Variants in ASAP3 observed in about 807,000 individuals in gnomAD.
ASAP3 encodes the protein ArfGAP with SH3 domain, ankyrin repeat and PH domain 3.
Under a neutral mutation model 118.2 loss-of-function variants are expected in ASAP3, and 85 were observed. That is an observed-to-expected ratio of 0.72 (90% CI 0.60 to 0.86). The LOEUF (loss-of-function observed/expected upper bound fraction) is 0.86. Among genes scored for constraint, ASAP3 ranks in the 40% least tolerant of loss-of-function variants. The probability of loss-of-function intolerance (pLI) is 0.00; values close to 1 mark genes in which losing one functional copy is unlikely to be tolerated. For synonymous variants in ASAP3, 432 were observed against 477.4 expected (o/e 0.90, Z 1.24); for missense variants, 1,026 against 1,175.0 (o/e 0.87, Z 1.85).
Position 23,434,646 on chromosome 1 carries a change from T to TC in ASAP3, c.1750-29dup, listed in dbSNP as rs150606584. On this transcript the variant is annotated intron_variant, in intron 17 of 24. Coordinates refer to ENST00000336689, the MANE Select transcript of ASAP3 (RefSeq NM_017707.4). The stretch of plus-strand genomic sequence containing the variant: ...GAAAACACATCCACACCTCTGAGAT[T>TC]CCCCCCCCAGTGCACCTGCCTCCAA... The TC allele has an allele frequency of 5.4e-4, 869 of 1,600,836 alleles. 1 individual carries two copies. The Middle Eastern group carries it at 8.6e-3, about 16-fold the overall frequency.
At chr1:23,430,854 G>T (rs1359721554) in intron 24 of ASAP3, among the ~76,000 whole-genome samples, 181 bp downstream of exon 24, 1 of 152,116 alleles carries the variant, frequency 6.6e-6, no homozygotes, top group Non-Finnish European at 1.5e-5. Context: ...ACCAGGACAG[G>T]GACTGGCCAA....
At chr1:23,454,109 C>A (rs368277923) in intron 3 of ASAP3, among the ~76,000 whole-genome samples, 2 of 151,984 alleles carry the variant, frequency 1.3e-5, no homozygotes, top group African/African-American at 4.8e-5. Context: ...GCCTCAACTT[C>A]CCCCAGGCTA....
chr1:23,442,413 C>T (rs185383689), intron 6 of ASAP3, 88 bp downstream of exon 6: 13 of 1,595,482 alleles, frequency 8.1e-6, no homozygotes, highest in Admixed American at 5.1e-5. Flanking sequence ...TGGCCAGGAC[C>T]TGAGCTGAGG....
chr1:23,477,010 T>G (rs1017674322), intron 1 of ASAP3, among the ~76,000 whole-genome samples: 1 of 152,004 alleles, frequency 6.6e-6, no homozygotes, highest in Middle Eastern at 3.4e-3. Context: ...ACAAATTAGA[T>G]CTTAATAAAA....
In ASAP3 at chr1:23,439,141, C is replaced by T. The variant is rs772471754; in HGVS notation, c.1014+20G>A. The T allele has an allele frequency of 6.2e-7, 1 of 1,613,440 alleles. No homozygotes were observed. The highest frequency in any genetic ancestry group is 1.7e-5 in the Admixed American group (1 of 59,996). ...GAGGGTCCATCGTGCCCTGAGACTC[C>T]CACCACCTCTAGGCCTCACCGTGCT... On this transcript the variant is annotated intron_variant, in intron 11 of 24. Transcript: ENST00000336689.
At chr1:23,469,342 C>T (rs1218972366) in intron 1 of ASAP3, among the ~76,000 whole-genome samples, 2 of 152,070 alleles carry the variant, frequency 1.3e-5, no homozygotes, top group Non-Finnish European at 2.9e-5. Flanking sequence ...ATAAAATAAA[C>T]TCAAACCCAG....
Position 23,451,474 on chromosome 1 carries a change from C to T in ASAP3, c.473+5G>A, listed in dbSNP as rs750861471. On this transcript the variant is annotated splice_donor_5th_base_variant and intron_variant, in intron 5 of 24. Transcript: ENST00000336689. ...AGACAAACGACCCTGGCTGTGGCCA[C>T]TTACATTTTGGCTTCATAGTCCTTC... The T allele has an allele frequency of 1.1e-5, 18 of 1,613,982 alleles. No homozygotes were observed. The highest frequency in any genetic ancestry group is 1.4e-5 in the Non-Finnish European group (17 of 1,179,954).
At chr1:23,473,734 G>C (rs1216842808) in intron 1 of ASAP3, among the ~76,000 whole-genome samples, 1 of 152,160 alleles carries the variant, frequency 6.6e-6, no homozygotes, top group Non-Finnish European at 1.5e-5. Context: ...GAGACTTTGA[G>C]AGACAGGCTC....
chr1:23,431,802 C>T lies in ASAP3; in HGVS notation c.2440G>A (p.Ala814Thr). 1 of 1,554,218 alleles carries T rather than the reference C, an allele frequency of 6.4e-7. No homozygotes were observed. Among genetic ancestry groups the T allele is most frequent in the East Asian group, 2.3e-5 (1 of 43,236 alleles). The stretch of plus-strand genomic sequence containing the variant: ...AGGCCCTCTTCAGAGTTGGGTGGGG[C>T]TTGGCTGGGATCCCCAGGTTCCAAG... Reference protein sequence around the residue: ...SPLEPGDPSQAPPNSEEGLRE... With the variant: ...SPLEPGDPSQTPPNSEEGLRE... Residue 814 changes from alanine to threonine, a missense_variant, in exon 23 of 25, where the codon GCC (alanine) becomes ACC (threonine). Physicochemically the swap from Ala to Thr is moderately conservative, Grantham distance 58. Transcript: ENST00000336689.
At chr1:23,465,841 G>A (rs916056690) in intron 1 of ASAP3, among the ~76,000 whole-genome samples, 4 of 152,090 alleles carry the variant, frequency 2.6e-5, no homozygotes, top group Non-Finnish European at 5.9e-5. Context: ...CAAATCCAGG[G>A]CCAATGTTCT....
At chr1:23,472,051 T>C (rs537754555) in intron 1 of ASAP3, among the ~76,000 whole-genome samples, 1 of 152,180 alleles carries the variant, frequency 6.6e-6, no homozygotes, top group South Asian at 2.1e-4. Context: ...GGTAAAGCCA[T>C]AGAGATGGAA....
rs540783483 is a variant in ASAP3, at chr1:23,467,981, A to G, written c.130-11787T>C. Among the ~76,000 whole-genome samples, 4 of 152,242 alleles carry G rather than the reference A, an allele frequency of 2.6e-5. No homozygotes were observed. The East Asian group carries it at 7.7e-4, about 29-fold the overall frequency. On this transcript the variant is annotated intron_variant, in intron 1 of 24. Coordinates refer to ENST00000336689, the MANE Select transcript of ASAP3 (RefSeq NM_017707.4). ...AAAAAAAAAAAAAGAAAAAGAAAAAAAAAATACAACCTAAAACTTGTATAG... is the reference window on the plus strand; with the variant it reads ...AAAAAAAAAAAAAGAAAAAGAAAAAGAAAATACAACCTAAAACTTGTATAG...
intron 1 of ASAP3, among the ~76,000 whole-genome samples, chr1:23,466,000 G>C (rs1463236677): frequency 6.6e-6 from 1 of 152,088 alleles, no homozygotes; most frequent in Non-Finnish European, 1.5e-5. Context: ...GAGAAGGCAG[G>C]GCACAGAGGG....
rs1343345246 is a variant in ASAP3 at position 23,436,973 on chromosome 1, C to A, written c.1414G>T (p.Gly472Cys). The A allele has an allele frequency of 1.2e-6, 2 of 1,612,582 alleles. No homozygotes were observed. The highest frequency in any genetic ancestry group is 1.7e-6 in the Non-Finnish European group (2 of 1,179,768). ...IQCSGVHREL[G>C]VRFSRMQSLT... is the part of the protein sequence containing the mutation. ...GACTGCATGCGCGAAAAGCGCACGC[C>A]CAGTTCGCGGTGGACGCCCGAGCAC... The change falls in exon 15 of 25, where the codon GGC (glycine) becomes TGC (cysteine). Residue 472 changes from glycine (G) to cysteine (C), a missense_variant. Gly to Cys is a radical substitution (Grantham distance 159, BLOSUM62 -3). Coordinates refer to ENST00000336689, the MANE Select transcript of ASAP3 (RefSeq NM_017707.4). This position sits in a 1 kb window ranked among gnomAD's most constrained non-coding sequence, Gnocchi z 4.2.
At chr1:23,476,312 C>T (rs1001880800) in intron 1 of ASAP3, among the ~76,000 whole-genome samples, 1 of 149,466 alleles carries the variant, frequency 6.7e-6, no homozygotes, top group East Asian at 2.0e-4. Context: ...TGCCACTGAA[C>T]TCCAGCCTGG....
chr1:23,429,793 G>A lies in ASAP3; in HGVS notation c.*63C>T, dbSNP rs866538603. On this transcript the variant is annotated 3_prime_UTR_variant, in exon 25 of 25. Coordinates refer to ENST00000336689, the MANE Select transcript of ASAP3 (RefSeq NM_017707.4). Reference sequence around the variant, plus strand: ...AAATGTCTCAGCTCCCCAGTTTTGTGAGCTCAAGTCCCAGCTCTGAACATT... The same window carrying A: ...AAATGTCTCAGCTCCCCAGTTTTGTAAGCTCAAGTCCCAGCTCTGAACATT... 3 of 1,522,666 alleles carry A rather than the reference G, an allele frequency of 2.0e-6. No homozygotes were observed. In the African/African-American group the frequency reaches 4.1e-5, roughly 21 times the overall value. 94.3% of individuals were successfully genotyped at this position (1,522,666 alleles called of 1,614,324 possible). A position where few individuals can be genotyped will look rare whatever the true frequency, so the allele number is the denominator to read the frequency against.
In ASAP3 at chr1:23,484,107, C is replaced by A; in HGVS notation, c.27G>T (p.Glu9Asp). 7.5e-7 allele frequency: 1 copy of A among 1,336,844 alleles called. No homozygotes were observed. The allele number at this position is 1,336,844 out of a possible 1,614,324, so 82.8% of individuals were successfully genotyped here. The change falls in exon 1 of 25, where the codon GAG (glutamate) becomes GAT (aspartate). Residue 9 changes from glutamate (E) to aspartate (D), a missense_variant. By Grantham distance (45) the Glu-to-Asp change is conservative. Transcript: ENST00000336689. ...GGTCCTCCGCGGTGACGGCCAGGAA[C>A]TCGGCGACGCTGAACTGCTCCGGCA... is the stretch of plus-strand genomic sequence containing the variant. MPEQFSVA[E>D]FLAVTAEDLS...
At chr1:23,442,959 G>A (rs983942785) in intron 5 of ASAP3, among the ~76,000 whole-genome samples, 3 of 152,220 alleles carry the variant, frequency 2.0e-5, no homozygotes, top group Admixed American at 6.5e-5. Flanking sequence ...TGGCCCCAAG[G>A]CAGGAGCGAG....
At chr1:23,464,870 A>G (rs1641716078) in intron 1 of ASAP3, among the ~76,000 whole-genome samples, 1 of 152,086 alleles carries the variant, frequency 6.6e-6, no homozygotes, top group African/African-American at 2.4e-5. Context: ...CAAGCCCTCC[A>G]GGTGATTCTA....
Sources: allele counts gnomAD v4.1 joint callset (sites outside exome capture counted in the v4.1 genomes callset), GRCh38; gene constraint gnomAD v4.1.1; non-coding constraint Gnocchi (gnomAD v3.1); transcripts MANE v1.5; gene names NCBI Gene and HGNC (gene_info 2026-07-23, HGNC 2026-07-21).